Variants in DACH2 observed in about 807,000 individuals in gnomAD.
DACH2 encodes the protein dachshund homolog 2.
In DACH2, 17 loss-of-function variants were observed where a neutral mutation model predicts 35.8. That is an observed-to-expected ratio of 0.48 (90% CI 0.33 to 0.71). The LOEUF (loss-of-function observed/expected upper bound fraction) is 0.71, where lower values mean the gene tolerates loss of function less well. Ranked by LOEUF, DACH2 falls within the 30% of genes least tolerant of loss-of-function variation. The pLI is 0.02. For missense variants in DACH2, 469 were observed against 472.7 expected (o/e 0.99, Z 0.07); for synonymous variants, 195 against 177.3 (o/e 1.10, Z -0.79).
chrX:86,354,065 G>A (rs1326437912), intron 1 of DACH2, among the ~76,000 whole-genome samples: 1 of 40,484 alleles, frequency 2.5e-5, no homozygotes, highest in Non-Finnish European at 4.1e-5. Context: ...AACACATGAA[G>A]AAATGCTCAT....
chrX:86,649,562 G>A (rs1241891730), intron 3 of DACH2, among the ~76,000 whole-genome samples: 1 of 110,847 alleles, frequency 9.0e-6, no homozygotes, highest in Non-Finnish European at 1.9e-5. Flanking sequence ...AAATCTCTTT[G>A]GCCATCAAGA....
At chrX:86,376,445 C>CTGAAT (rs2035968738) in intron 1 of DACH2, among the ~76,000 whole-genome samples, 2 of 110,115 alleles carry the variant, frequency 1.8e-5, no homozygotes, top group Admixed American at 1.9e-4. Context: ...CATAATATTG[C>CTGAAT]TGAATTTTTT....
chrX:86,246,302 A>G (rs2033282449), intron 1 of DACH2, among the ~76,000 whole-genome samples: 2 of 111,399 alleles, frequency 1.8e-5, no homozygotes, highest in African/African-American at 6.5e-5. Flanking sequence ...ATTCAAATTC[A>G]GGAAATTCAG....
In DACH2 at chrX:86,570,007, G is replaced by A. The variant is rs940379442; in HGVS notation, c.640+55616G>A. Among the ~76,000 whole-genome samples the A allele has an allele frequency of 6.3e-5, 7 of 111,704 alleles. No homozygotes were observed. In the East Asian group the frequency reaches 1.4e-3, roughly 23 times the overall value. ...GAAAAAAAGATGAACATCATTGATCGTTAGAGAAATGCAAATTAAAACCAC... is the reference window on the plus strand; with the variant it reads ...GAAAAAAAGATGAACATCATTGATCATTAGAGAAATGCAAATTAAAACCAC... On this transcript the variant is annotated intron_variant, in intron 3 of 11. Transcript: ENST00000373125.
At chrX:86,485,671 C>A (rs1428444383) in intron 2 of DACH2, among the ~76,000 whole-genome samples, 1 of 111,045 alleles carries the variant, frequency 9.0e-6, no homozygotes, top group Non-Finnish European at 1.9e-5. Flanking sequence ...AAAAAATCTT[C>A]CAACCGATTT....
rs1207454337 is a variant in DACH2 at position 86,707,167 on chromosome X, C to T, written c.932-7381C>T. Among the ~76,000 whole-genome samples the T allele has an allele frequency of 2.7e-5, 3 of 110,605 alleles. No individual in the cohort carries two copies. In the Admixed American group the frequency reaches 2.9e-4, roughly 11 times the overall value. On this transcript the variant is annotated intron_variant, in intron 5 of 11. Transcript: ENST00000373125. ...AAAATAGAAGCCATCACTATTTATCCTATGACATTAAAATGATAATATAGC... is the reference window on the plus strand; with the variant it reads ...AAAATAGAAGCCATCACTATTTATCTTATGACATTAAAATGATAATATAGC...
At chrX:86,704,842 T>C (rs1221380048) in intron 5 of DACH2, among the ~76,000 whole-genome samples, 1 of 110,122 alleles carries the variant, frequency 9.1e-6, no homozygotes, top group Non-Finnish European at 1.9e-5. Context: ...AATGTGGAGA[T>C]TCCTTAAAGA....
At chrX:86,779,631 C>T (rs1029880783) in intron 7 of DACH2, among the ~76,000 whole-genome samples, 1 of 111,239 alleles carries the variant, frequency 9.0e-6, no homozygotes, top group African/African-American at 3.3e-5. Flanking sequence ...AGTCAAATTA[C>T]AACTGCAGTA....
chrX:86,705,148 T>C (rs1224351036), intron 5 of DACH2, among the ~76,000 whole-genome samples: 1 of 107,580 alleles, frequency 9.3e-6, no homozygotes, highest in Non-Finnish European at 1.9e-5. Flanking sequence ...CACAGCAGCC[T>C]AGATGGAACT....
At chrX:86,269,545 A>C (rs1162189245) in intron 1 of DACH2, among the ~76,000 whole-genome samples, 1 of 111,567 alleles carries the variant, frequency 9.0e-6, no homozygotes, top group Non-Finnish European at 1.9e-5. Context: ...ACTCAGACAG[A>C]AGTATAACAA....
chrX:86,518,398 T>A (rs1358288388), intron 3 of DACH2, among the ~76,000 whole-genome samples: 1 of 112,013 alleles, frequency 8.9e-6, no homozygotes. Context: ...TGGTTCCAGA[T>A]AAATTTTAAA....
At chrX:86,261,587 G>A (rs1451356258) in intron 1 of DACH2, among the ~76,000 whole-genome samples, 1 of 111,600 alleles carries the variant, frequency 9.0e-6, no homozygotes, top group East Asian at 2.8e-4. Context: ...AAATGTAATG[G>A]ACTTAAAACT....
At chrX:86,667,556 GAAAGAAAGAAAGA>G (rs2040707102) in intron 4 of DACH2, among the ~76,000 whole-genome samples, 3 of 66,121 alleles carry the variant, frequency 4.5e-5, no homozygotes, top group Middle Eastern at 6.9e-3. Context: ...AAGAAAGAAA[GAAAGAAAGAAAGA>G]AAGAAAGAAA....
chrX:86,502,617 A>ATTTT (rs755847427), intron 2 of DACH2, among the ~76,000 whole-genome samples: 52 of 112,236 alleles, frequency 4.6e-4, no homozygotes, highest in African/African-American at 1.6e-3. Flanking sequence ...ATAAAGGTGT[A>ATTTT]TTTTTATCTC....
intron 4 of DACH2, among the ~76,000 whole-genome samples, chrX:86,651,424 T>C (rs67485015): frequency 0.34 from 37,129 of 110,746 alleles, 5,049 homozygotes; most frequent in East Asian, 0.82. Flanking sequence ...TCCTATAATG[T>C]TAGCCATTGT....
Position 86,203,339 on chromosome X carries a change from A to G in DACH2, c.488+54231A>G, listed in dbSNP as rs1250102981. 2.7e-5 allele frequency among the ~76,000 whole-genome samples: 3 copies of G among 111,730 alleles called. No individual in the cohort carries two copies. In the East Asian group the frequency reaches 8.4e-4, roughly 31 times the overall value. On this transcript the variant is annotated intron_variant, in intron 1 of 11. Transcript: ENST00000373125. ...AAAAAAGGCCTCTGAAGTTAACTGAAAATATATTATCATACCCAAATGGTA... is the reference window on the plus strand; with the variant it reads ...AAAAAAGGCCTCTGAAGTTAACTGAGAATATATTATCATACCCAAATGGTA...
At chrX:86,324,724 G>A (rs1322380250) in intron 1 of DACH2, among the ~76,000 whole-genome samples, 16 of 52 alleles carry the variant, frequency 0.31, no homozygotes, top group Middle Eastern at 0.5. Context: ...GACTACAGGC[G>A]CCCGCACCTT....
intron 3 of DACH2, among the ~76,000 whole-genome samples, chrX:86,530,014 T>G (rs970010030): frequency 5.7e-5 from 6 of 105,583 alleles, no homozygotes; most frequent in South Asian, 4.4e-4. Context: ...CAATCACATT[T>G]TCTTTATCCA....
chrX:86,379,293 C>T (rs991968566), intron 2 of DACH2, among the ~76,000 whole-genome samples: 2 of 110,579 alleles, frequency 1.8e-5, no homozygotes, highest in African/African-American at 6.6e-5. Context: ...AAAGATAAAA[C>T]AAAGTTGGTC....
Sources: allele counts gnomAD v4.1 joint callset (sites outside exome capture counted in the v4.1 genomes callset), GRCh38; gene constraint gnomAD v4.1.1; transcripts MANE v1.5; gene names NCBI Gene and HGNC (gene_info 2026-07-23, HGNC 2026-07-21).